The following KIN variants were observed in gnomAD, a reference collection of about 807,000 sequenced individuals.
KIN encodes the protein DNA/RNA-binding protein KIN17.
A neutral mutation model predicts 63.0 loss-of-function variants in KIN; 47 were observed. The observed-to-expected ratio is 0.75, with a 90% CI of 0.59 to 0.95. KIN has a LOEUF of 0.95. Among genes scored for constraint, KIN ranks in the 40% least tolerant of loss-of-function variants. The pLI is 0.00. For synonymous variants in KIN, 160 were observed against 157.7 expected (o/e 1.01, Z -0.11); for missense variants, 408 against 460.9 (o/e 0.89, Z 1.05).
rs1204503357 is a variant in KIN at position 7,754,835 on chromosome 10, T to A, written c.*1245A>T. Reference sequence around the variant, plus strand: ...AGCTAGCGTCTGCTCCTTTCAGTCATGTGCACTACAAATATCCCTTCGTTT... The same window carrying A: ...AGCTAGCGTCTGCTCCTTTCAGTCAAGTGCACTACAAATATCCCTTCGTTT... On this transcript the variant is annotated 3_prime_UTR_variant, in exon 13 of 13. Transcript: ENST00000379562. 6.6e-6 allele frequency: 1 copy of A among 152,192 alleles called. No individual in the cohort carries two copies. The highest frequency in any genetic ancestry group is 1.5e-5 in the Non-Finnish European group (1 of 68,104). 9.4% of individuals were successfully genotyped at this position (152,192 alleles called of 1,614,324 possible). A position where few individuals can be genotyped will look rare whatever the true frequency, so the allele number is the denominator to read the frequency against.
At chr10:7,787,219 A>C (rs963621611) in intron 1 of KIN, among the ~76,000 whole-genome samples, 2 of 152,264 alleles carry the variant, frequency 1.3e-5, no homozygotes, top group African/African-American at 4.8e-5. Context: ...GGGGAATATA[A>C]GTAAATAACT....
chr10:7,769,465 A>C, intron 7 of KIN, 120 bp from the exon 8 acceptor site: 1 of 980,218 alleles, frequency 1.0e-6, no homozygotes, highest in Non-Finnish European at 1.5e-6. Context: ...GAGATTAGTG[A>C]AAACCATGGA....
intron 6 of KIN, 91 bp downstream of exon 6, chr10:7,775,660 A>C: frequency 1.6e-6 from 1 of 632,876 alleles, no homozygotes; most frequent in Admixed American, 3.2e-5. Context: ...TCGATGTCTT[A>C]TTCTCAGATA....
intron 7 of KIN, among the ~76,000 whole-genome samples, chr10:7,772,067 G>A (rs748153974): frequency 5.9e-5 from 9 of 152,026 alleles, no homozygotes; most frequent in South Asian, 2.1e-4. Context: ...AAGAAAGGGC[G>A]AGACCCTAGG....
chr10:7,787,464 T>A (rs1836045166), intron 1 of KIN, among the ~76,000 whole-genome samples: 1 of 152,124 alleles, frequency 6.6e-6, no homozygotes, highest in Admixed American at 6.5e-5. Flanking sequence ...CTCTTAAGAG[T>A]CAAGTCAAGT....
chr10:7,782,279 CAGCTAAT>C (rs1835912827), intron 2 of KIN, among the ~76,000 whole-genome samples: 2 of 151,934 alleles, frequency 1.3e-5, no homozygotes, highest in African/African-American at 4.8e-5. Flanking sequence ...ATGATAAGAA[CAGCTAAT>C]CTGAATTGAA....
chr10:7,774,602 A>G (rs896581147), intron 7 of KIN, among the ~76,000 whole-genome samples: 4 of 151,928 alleles, frequency 2.6e-5, no homozygotes, highest in African/African-American at 9.7e-5. Context: ...TGAGGCAGGA[A>G]GATCACCTTG....
chr10:7,760,152 G>A (rs1028812151), intron 11 of KIN, among the ~76,000 whole-genome samples, 162 bp from the exon 12 acceptor site: 11 of 152,034 alleles, frequency 7.2e-5, no homozygotes, highest in Non-Finnish European at 1.3e-4. Flanking sequence ...ATTTTAGTGC[G>A]GTGTATGGAT....
intron 5 of KIN, among the ~76,000 whole-genome samples, chr10:7,777,807 G>A (rs139856202): frequency 0.02 from 3,064 of 151,704 alleles, 41 homozygotes; most frequent in Non-Finnish European, 0.03. Flanking sequence ...GCTGAGACAC[G>A]AGAATCGCTT....
intron 4 of KIN, among the ~76,000 whole-genome samples, 200 bp downstream of exon 4, chr10:7,779,852 TTCTA>T (rs1311881843): frequency 6.6e-6 from 1 of 152,204 alleles, no homozygotes; most frequent in African/African-American, 2.4e-5. Flanking sequence ...ATTTATTCAG[TTCTA>T]TCTAAGTATT....
At chr10:7,784,243 GAATT>G (rs1402412776) in intron 1 of KIN, among the ~76,000 whole-genome samples, 1 of 152,152 alleles carries the variant, frequency 6.6e-6, no homozygotes, top group Non-Finnish European at 1.5e-5. Flanking sequence ...TTACAGAAAA[GAATT>G]AATCCTTTAC....
intron 9 of KIN, 50 bp downstream of exon 9, chr10:7,766,003 T>C: frequency 3.8e-6 from 5 of 1,318,942 alleles, no homozygotes; most frequent in Non-Finnish European, 5.4e-6. Flanking sequence ...AGTTAAATCA[T>C]TCACTTAAAC....
In KIN at chr10:7,754,069, C is replaced by A; in HGVS notation, c.*2011G>T. 1 of 456,050 alleles carries A rather than the reference C, an allele frequency of 2.2e-6. No individual in the cohort carries two copies. The highest frequency in any genetic ancestry group is 4.4e-6 in the Non-Finnish European group (1 of 226,798). 28.3% of individuals were successfully genotyped at this position (456,050 alleles called of 1,614,324 possible). A position where few individuals can be genotyped will look rare whatever the true frequency, so the allele number is the denominator to read the frequency against. ...CTCAGGCAAGGCGTGGTAGCTCACACCTGTAATCACAACATTTTAGAAGGC... is the reference window on the plus strand; with the variant it reads ...CTCAGGCAAGGCGTGGTAGCTCACAACTGTAATCACAACATTTTAGAAGGC... On this transcript the variant is annotated 3_prime_UTR_variant, in exon 13 of 13. Transcript: ENST00000379562.
At chr10:7,756,828 TAA>T (rs779554715) in intron 12 of KIN, among the ~76,000 whole-genome samples, 8 of 152,302 alleles carry the variant, frequency 5.3e-5, no homozygotes, top group South Asian at 2.1e-4. Context: ...GTCCAGATTA[TAA>T]AAAGAGTCCA....
chr10:7,762,323 T>C (rs1835451234), intron 11 of KIN, 134 bp downstream of exon 11: 1 of 498,506 alleles, frequency 2.0e-6, no homozygotes, highest in East Asian at 3.2e-5. Flanking sequence ...CAAACAGAGA[T>C]GAGTTACGCT....
At position 7,752,275 on chromosome 10, in the gene KIN, C is replaced by T. The variant is rs1260049189; in HGVS notation, c.*3805G>A. The T allele has an allele frequency of 5.9e-5, 9 of 152,174 alleles. No individual in the cohort carries two copies. The highest frequency in any genetic ancestry group is 1.3e-4 in the Non-Finnish European group (9 of 68,034). The allele number at this position is 152,174 out of a possible 1,614,324, so 9.4% of individuals were successfully genotyped here. On this transcript the variant is annotated 3_prime_UTR_variant, in exon 13 of 13. Transcript: ENST00000379562. ...AATAATGGGCAAAAAACCTGAAAGA[C>T]ATCTCACCAGAGAAGATATACAGGT...
chr10:7,778,756 CAAA>C, intron 5 of KIN, 79 bp downstream of exon 5: 29 of 1,435,588 alleles, frequency 2.0e-5, no homozygotes, highest in Middle Eastern at 1.8e-4. Flanking sequence ...ACAACAACAA[CAAA>C]AACAAAAAAG....
At position 7,787,968 on chromosome 10, in the gene KIN, G is replaced by C. The variant is rs771034590; in HGVS notation, c.-35C>G. ...GGCAGCGATCACTTTCTGGACCCCA[G>C]TACTCAGCCAGCCGGAAACGGAACC... On this transcript the variant is annotated 5_prime_UTR_variant, in exon 1 of 13. Transcript: ENST00000379562. 2.2e-5 allele frequency: 33 copies of C among 1,519,088 alleles called. No homozygotes were observed. The South Asian group carries it at 3.6e-4, about 17-fold the overall frequency. The allele number at this position is 1,519,088 out of a possible 1,614,324, so 94.1% of individuals were successfully genotyped here. A position where few individuals can be genotyped will look rare whatever the true frequency, so the allele number is the denominator to read the frequency against.
chr10:7,761,553 C>T (rs773761484), intron 11 of KIN: 2 of 152,294 alleles, frequency 1.3e-5, no homozygotes, highest in Non-Finnish European at 1.5e-5. Context: ...ATTTGAAAAG[C>T]TCCAAAATGT....
Sources: allele counts gnomAD v4.1 joint callset (sites outside exome capture counted in the v4.1 genomes callset), GRCh38; gene constraint gnomAD v4.1.1; transcripts MANE v1.5; gene names NCBI Gene and HGNC (gene_info 2026-07-23, HGNC 2026-07-21).